Variants in KCNB2 observed in about 807,000 individuals in gnomAD.
The protein encoded by KCNB2 is delayed rectifier potassium channel protein.
A neutral mutation model predicts 61.5 loss-of-function variants in KCNB2; 15 were observed. That is an observed-to-expected ratio of 0.24 (90% CI 0.16 to 0.38). KCNB2 has a LOEUF of 0.38. Among genes scored for constraint, KCNB2 ranks in the 10% least tolerant of loss-of-function variants. The probability of loss-of-function intolerance (pLI) is 1.00; values close to 1 mark genes in which losing one functional copy is unlikely to be tolerated. For missense variants in KCNB2, 828 were observed against 1,125.2 expected (o/e 0.74, Z 3.78); for synonymous variants, 457 against 446.0 (o/e 1.02, Z -0.31).
intron 2 of KCNB2, among the ~76,000 whole-genome samples, chr8:72,654,754 A>G (rs1806263969): frequency 6.6e-6 from 1 of 152,184 alleles, no homozygotes; most frequent in Non-Finnish European, 1.5e-5. Flanking sequence ...GTCTCCTAGA[A>G]CATGGGAAAG....
At chr8:72,864,979 A>G (rs1341118238) in intron 2 of KCNB2, among the ~76,000 whole-genome samples, 2 of 151,710 alleles carry the variant, frequency 1.3e-5, no homozygotes, top group African/African-American at 4.8e-5. Flanking sequence ...TTCTCCCCCA[A>G]CCTCCTGCTG....
rs1330003119 is a variant in KCNB2 at position 72,937,427 on chromosome 8, T to C, written c.2072T>C (p.Leu691Ser). 1 of 1,613,964 alleles carries C rather than the reference T, an allele frequency of 6.2e-7. No individual in the cohort carries two copies. The change falls in exon 3 of 3, where the codon TTG (leucine) becomes TCG (serine). Residue 691 changes from leucine to serine, a missense_variant. By Grantham distance (145) the Leu-to-Ser change is moderately radical (BLOSUM62 -2). Around this residue, in one of 4 missense-constraint regions of KCNB2, gnomAD observed 559 missense variants for 588.4 expected, o/e 0.95. Coordinates refer to ENST00000523207, the MANE Select transcript of KCNB2 (RefSeq NM_004770.3). ...TCCCAGTGTGGGCTACATAGTCCTT[T>C]GCAGTCTGACAATGCCACCGACAGT... ...SGSQCGLHSP[L>S]QSDNATDSPK... is the part of the protein sequence containing the mutation.
chr8:72,918,574 C>T (rs982522060), intron 2 of KCNB2, among the ~76,000 whole-genome samples: 6 of 152,074 alleles, frequency 3.9e-5, no homozygotes, highest in Middle Eastern at 3.2e-3. Flanking sequence ...TGGGAAAATT[C>T]CTAAAATTCC....
intron 2 of KCNB2, among the ~76,000 whole-genome samples, chr8:72,776,931 A>T (rs139899571): frequency 1.0e-3 from 152 of 152,270 alleles, no homozygotes; most frequent in African/African-American, 3.4e-3. Flanking sequence ...TTCCAGTTTG[A>T]CATTCTAGGA....
In KCNB2 at chr8:72,750,125, C is replaced by T. The variant is rs138565335; in HGVS notation, c.579+181812C>T. 2.2e-3 allele frequency: 329 copies of T among 152,140 alleles called. 3 individuals are homozygous for T. Among genetic ancestry groups the T allele is most frequent in the African/African-American group, 7.1e-3 (295 of 41,524 alleles). The allele number at this position is 152,140 out of a possible 1,614,324, so 9.4% of individuals were successfully genotyped here. A position where few individuals can be genotyped will look rare whatever the true frequency, so the allele number is the denominator to read the frequency against. ...CATCATACATAGTGTCATAGTGACT[C>T]TACATGGTCACAACTGTATATAACC... On this transcript the variant is annotated intron_variant, in intron 2 of 2. Coordinates refer to ENST00000523207, the MANE Select transcript of KCNB2 (RefSeq NM_004770.3).
chr8:72,838,548 T>C (rs1486718072), intron 2 of KCNB2, among the ~76,000 whole-genome samples: 2 of 152,222 alleles, frequency 1.3e-5, no homozygotes, highest in African/African-American at 4.8e-5. Flanking sequence ...TCTTTGCTAT[T>C]GTGAATAGTG....
chr8:72,898,482 T>C (rs1322872081), intron 2 of KCNB2, among the ~76,000 whole-genome samples: 1 of 152,066 alleles, frequency 6.6e-6, no homozygotes, highest in Admixed American at 6.6e-5. Flanking sequence ...TGACCACTTA[T>C]TTTGTCTGAA....
intron 2 of KCNB2, among the ~76,000 whole-genome samples, chr8:72,752,394 T>C (rs980449891): frequency 4.6e-5 from 7 of 152,168 alleles, no homozygotes; most frequent in African/African-American, 1.4e-4. Context: ...GTAAAGTAGA[T>C]GGTCCTCTTT....
chr8:72,844,934 A>G (rs950164918), intron 2 of KCNB2, among the ~76,000 whole-genome samples: 10 of 152,216 alleles, frequency 6.6e-5, no homozygotes, highest in Admixed American at 2.6e-4. Context: ...TGAAGCCTAC[A>G]TCTGTCAACT....
intron 2 of KCNB2, among the ~76,000 whole-genome samples, chr8:72,860,014 C>A (rs1006060389): frequency 6.6e-6 from 1 of 151,988 alleles, no homozygotes; most frequent in Middle Eastern, 3.4e-3. Flanking sequence ...CCACTGTGCC[C>A]GGCCTTCATT....
intron 2 of KCNB2, among the ~76,000 whole-genome samples, chr8:72,828,751 A>G (rs1292168223): frequency 2.0e-5 from 3 of 152,344 alleles, no homozygotes; most frequent in East Asian, 3.9e-4. Context: ...TTAATTCTTT[A>G]AGCCTAGAAA....
intron 2 of KCNB2, among the ~76,000 whole-genome samples, chr8:72,836,565 T>A (rs1211489374): frequency 6.6e-6 from 1 of 152,172 alleles, no homozygotes; most frequent in Non-Finnish European, 1.5e-5. Context: ...AGAAGGTTGC[T>A]CCATATTACT....
At chr8:72,651,385 A>T (rs1367322219) in intron 2 of KCNB2, among the ~76,000 whole-genome samples, 1 of 152,188 alleles carries the variant, frequency 6.6e-6, no homozygotes, top group Non-Finnish European at 1.5e-5. Flanking sequence ...CAAAAGTTGC[A>T]TTTCAATTAA....
chr8:72,773,135 C>T (rs1372695830), intron 2 of KCNB2, among the ~76,000 whole-genome samples: 1 of 152,152 alleles, frequency 6.6e-6, no homozygotes, highest in Non-Finnish European at 1.5e-5. Flanking sequence ...ACAGCATTAG[C>T]ATCTTTCTTG....
intron 2 of KCNB2, among the ~76,000 whole-genome samples, chr8:72,585,309 T>A (rs187729204): frequency 8.1e-4 from 123 of 152,352 alleles, no homozygotes; most frequent in African/African-American, 2.8e-3. Flanking sequence ...ATATATAAGT[T>A]GATACAATTT....
chr8:72,606,392 T>C (rs1404922926), intron 2 of KCNB2, among the ~76,000 whole-genome samples: 2 of 152,242 alleles, frequency 1.3e-5, no homozygotes, highest in Non-Finnish European at 2.9e-5. Context: ...TGGAATATTA[T>C]ACTATTGTAT....
intron 2 of KCNB2, among the ~76,000 whole-genome samples, chr8:72,932,432 C>T (rs1187511988): frequency 6.6e-6 from 1 of 152,150 alleles, no homozygotes; most frequent in Non-Finnish European, 1.5e-5. Context: ...ACCCTTGTCT[C>T]CTGCTAAATC....
chr8:72,851,343 CAG>C (rs1390832954), intron 2 of KCNB2, among the ~76,000 whole-genome samples: 2 of 152,162 alleles, frequency 1.3e-5, no homozygotes, highest in African/African-American at 4.8e-5. Flanking sequence ...CAATCGGTGA[CAG>C]AACAATACAT....
chr8:72,582,422 G>C (rs1376902726), intron 2 of KCNB2, among the ~76,000 whole-genome samples: 1 of 152,180 alleles, frequency 6.6e-6, no homozygotes, highest in African/African-American at 2.4e-5. Flanking sequence ...TTATTCTAGA[G>C]AGCTACAAGC....
Sources: gnomAD v4.1 joint callset for allele counts (sites outside exome capture counted in the v4.1 genomes callset) on GRCh38, gnomAD v4.1.1 for gene constraint, gnomAD v4.1.1 regional missense constraint, MANE v1.5 for transcripts, NCBI Gene and HGNC (gene_info 2026-07-23, HGNC 2026-07-21) for gene names.